The following TBX15 variants were observed in gnomAD, a reference collection of about 807,000 sequenced individuals.
The protein encoded by TBX15 is T-box transcription factor 15.
In TBX15, 18 loss-of-function variants were observed where a neutral mutation model predicts 53.9. That is an observed-to-expected ratio of 0.33 (90% CI 0.23 to 0.49). The LOEUF is 0.49. TBX15 is among the 20% of genes least tolerant of loss of function. The pLI is 0.98. For missense variants in TBX15, 692 were observed against 749.5 expected, an observed-to-expected ratio of 0.92 and a Z score of 0.90; for synonymous variants, 295 against 278.0, an observed-to-expected ratio of 1.06 and a Z score of -0.61.
At chr1:118,946,816 A>G (rs1255425377) in intron 1 of TBX15, among the ~76,000 whole-genome samples, 1 of 152,188 alleles carries the variant, frequency 6.6e-6, no homozygotes, top group Non-Finnish European at 1.5e-5. Context: ...TTACTTGGGG[A>G]AAGTAGATGA....
chr1:118,980,248 C>T (rs1484772163), intron 1 of TBX15, among the ~76,000 whole-genome samples: 4 of 152,136 alleles, frequency 2.6e-5, no homozygotes, highest in Non-Finnish European at 5.9e-5. Context: ...TTAAACTACA[C>T]GCTCCCAGCT....
In TBX15 at chr1:118,884,994, T is replaced by C; in HGVS notation, c.1547A>G (p.Asn516Ser). 1 of 1,613,794 alleles carries C rather than the reference T, an allele frequency of 6.2e-7. No homozygotes were observed. ...AGTGGGGAAATTGTATCCATACAGG[T>C]TGTAAGGGTTGTGAAGGGAGAAGGC... is the stretch of plus-strand genomic sequence containing the variant. ...YNAFSLHNPY[N>S]LYGYNFPTSP... Residue 516 changes from asparagine (N) to serine (S), a missense_variant, in exon 8 of 8, where the codon AAC becomes AGC. Asn to Ser is a conservative substitution (Grantham distance 46, BLOSUM62 1). This residue lies in a region of TBX15 where 375 missense variants were observed against 371.6 expected (regional missense o/e 1.01). Coordinates refer to ENST00000369429, the MANE Select transcript of TBX15 (RefSeq NM_001330677.2).
intron 1 of TBX15, among the ~76,000 whole-genome samples, chr1:118,982,988 T>C (rs898371612): frequency 1.3e-5 from 2 of 152,204 alleles, no homozygotes; most frequent in Admixed American, 1.3e-4. Context: ...GTGTGTGAAG[T>C]TGCCTAGGAA....
intron 2 of TBX15, among the ~76,000 whole-genome samples, chr1:118,929,856 CAAA>C (rs11315618): frequency 6.6e-6 from 1 of 151,198 alleles, no homozygotes; most frequent in Non-Finnish European, 1.5e-5. Context: ...ATCTTATAGA[CAAA>C]AAAAAAATGT....
intron 7 of TBX15, among the ~76,000 whole-genome samples, chr1:118,893,415 AGGAAAGAAAGAT>A (rs1654253014): frequency 7.1e-6 from 1 of 141,548 alleles, no homozygotes. Flanking sequence ...GAAAGGAAGA[AGGAAAGAAAGAT>A]GGAAGGAAGG....
At chr1:118,893,598 G>GAAAGAAAGAAAGAAAGAAAGAAA (rs1557873055) in intron 7 of TBX15, among the ~76,000 whole-genome samples, 10 of 119,096 alleles carry the variant, frequency 8.4e-5, no homozygotes, top group African/African-American at 4.6e-4. Flanking sequence ...AAGGAAGGAA[G>GAAAGAAAGAAAGAAAGAAAGAAA]GAAAGAAAGA....
At chr1:118,904,644 G>C (rs970800769) in intron 6 of TBX15, among the ~76,000 whole-genome samples, 1 of 152,156 alleles carries the variant, frequency 6.6e-6, no homozygotes, top group African/African-American at 2.4e-5. Flanking sequence ...TCCTCCCTTG[G>C]AGTATGAATC....
intron 1 of TBX15, among the ~76,000 whole-genome samples, chr1:118,974,121 C>G (rs181705450): frequency 1.3e-5 from 2 of 152,302 alleles, no homozygotes; most frequent in East Asian, 3.9e-4. Flanking sequence ...GTAAATCACC[C>G]AAGATTGCAG....
chr1:118,965,763 G>A (rs972223654), intron 1 of TBX15, among the ~76,000 whole-genome samples: 8 of 152,172 alleles, frequency 5.3e-5, no homozygotes, highest in African/African-American at 1.9e-4. Context: ...GAACTTGCAA[G>A]AATGACTATT....
chr1:118,969,445 G>A (rs545990567), intron 1 of TBX15, among the ~76,000 whole-genome samples: 2 of 152,268 alleles, frequency 1.3e-5, no homozygotes, highest in Admixed American at 1.3e-4. Flanking sequence ...AATCTTTATG[G>A]ACAATATATA....
At chr1:118,980,337 A>C (rs1010211871) in intron 1 of TBX15, among the ~76,000 whole-genome samples, 11 of 151,850 alleles carry the variant, frequency 7.2e-5, no homozygotes, top group Non-Finnish European at 1.5e-4. Context: ...AGCTAAAAAA[A>C]CTCCAAGGCT....
In TBX15 at chr1:118,923,410, G is replaced by A; in HGVS notation, c.861+26C>T. The A allele has an allele frequency of 2.5e-6, 4 of 1,613,462 alleles. 1 individual carries two copies. In the Middle Eastern group the frequency reaches 5.0e-4, roughly 200 times the overall value. On this transcript the variant is annotated intron_variant, in intron 5 of 7. Transcript: ENST00000369429. The stretch of plus-strand genomic sequence containing the variant: ...GAAGGACCAAAAAACAGATGTAGCA[G>A]AAGACTCTCAAGGGCCACCTCTTAC...
chr1:118,924,778 A>C lies in TBX15; in HGVS notation c.561T>G (p.Asn187Lys). ...YHSSKWMVAG[N>K]ADSPVPPRVY... ...CTCTTGGGGGCACAGGGGAATCAGCATTGCCAGCCACCATCCACTTGGAGC... is the reference window on the plus strand; with the variant it reads ...CTCTTGGGGGCACAGGGGAATCAGCCTTGCCAGCCACCATCCACTTGGAGC... Residue 187 changes from asparagine (N) to lysine (K), a missense_variant, in exon 4 of 8, where the codon AAT becomes AAG. Asn to Lys is a moderately conservative substitution (Grantham distance 94). This residue lies in a region of TBX15 where 307 missense variants were observed against 347.5 expected (regional missense o/e 0.88). Transcript: ENST00000369429. 6.2e-7 allele frequency: 1 copy of C among 1,614,054 alleles called. No individual in the cohort carries two copies. Among genetic ancestry groups the C allele is most frequent in the South Asian group, 1.1e-5 (1 of 91,070 alleles).
At chr1:118,893,010 A>G (rs557930186) in intron 7 of TBX15, among the ~76,000 whole-genome samples, 1 of 152,144 alleles carries the variant, frequency 6.6e-6, no homozygotes, top group African/African-American at 2.4e-5. Context: ...AAGTGGGCAA[A>G]TCACTTCAGG....
chr1:118,960,069 A>G (rs955486623), intron 1 of TBX15, among the ~76,000 whole-genome samples: 14 of 138,952 alleles, frequency 1.0e-4, no homozygotes, highest in African/African-American at 3.9e-4. Context: ...GAGAAAGAGA[A>G]AAAAAAAAAA....
chr1:118,957,167 A>G (rs1656720501), intron 1 of TBX15, among the ~76,000 whole-genome samples: 1 of 152,220 alleles, frequency 6.6e-6, no homozygotes, highest in African/African-American at 2.4e-5. Context: ...TAAAATTCAA[A>G]CTATTGTTGA....
chr1:118,957,696 C>T (rs1263693572), intron 1 of TBX15, among the ~76,000 whole-genome samples: 2 of 152,166 alleles, frequency 1.3e-5, no homozygotes, highest in East Asian at 3.9e-4. Flanking sequence ...TGTTCCATTG[C>T]CACCTATGAG....
chr1:118,938,933 T>C (rs946908047), intron 1 of TBX15, among the ~76,000 whole-genome samples: 1 of 152,192 alleles, frequency 6.6e-6, no homozygotes, highest in Non-Finnish European at 1.5e-5. Context: ...GTATGTTCAT[T>C]GCTGTACTAT....
chr1:118,960,959 T>C (rs1196219700), intron 1 of TBX15, among the ~76,000 whole-genome samples: 1 of 152,122 alleles, frequency 6.6e-6, no homozygotes, highest in African/African-American at 2.4e-5. Flanking sequence ...TGGGCGGCCA[T>C]GGACAGAGAT....
Sources: allele counts gnomAD v4.1 joint callset (sites outside exome capture counted in the v4.1 genomes callset), GRCh38; gene constraint gnomAD v4.1.1; regional missense constraint gnomAD v4.1.1; transcripts MANE v1.5; gene names NCBI Gene and HGNC (gene_info 2026-07-23, HGNC 2026-07-21).